IQANK1: variants seen among roughly 807,000 people sequenced by gnomAD.
IQANK1 encodes IQ motif and ankyrin repeat containing 1.
IQANK1 carries 30 observed loss-of-function variants against 22.6 expected under a neutral mutation model. That is an observed-to-expected ratio of 1.33 (90% confidence interval 0.99 to 1.80). The LOEUF is 1.80. Among genes scored for constraint, IQANK1 ranks in the 40% most tolerant of loss-of-function variants. The pLI is 0.00. For synonymous variants in IQANK1, 122 were observed against 99.6 expected, an observed-to-expected ratio of 1.23 and a Z score of -1.34; for missense variants, 275 against 235.2, an observed-to-expected ratio of 1.17 and a Z score of -1.11.
intron 7 of IQANK1, among the ~76,000 whole-genome samples, chr8:143,776,193 C>A (rs374368531): frequency 6.6e-6 from 1 of 151,578 alleles, no homozygotes; most frequent in Non-Finnish European, 1.5e-5. Flanking sequence ...TGGTGGCGGG[C>A]GCCTGTAGTC....
intron 3 of IQANK1, among the ~76,000 whole-genome samples, chr8:143,750,880 CTA>C (rs1819174581): frequency 6.6e-6 from 1 of 151,840 alleles, no homozygotes; most frequent in Admixed American, 6.6e-5. Flanking sequence ...TGTCATTTTG[CTA>C]TGTGTTTTAT....
intron 2 of IQANK1, among the ~76,000 whole-genome samples, chr8:143,736,596 G>C (rs1401094789): frequency 2.0e-5 from 3 of 152,152 alleles, no homozygotes; most frequent in Non-Finnish European, 1.5e-5. Flanking sequence ...AGGAGGGTTT[G>C]AGTCCAAGTT....
At position 143,789,539 on chromosome 8, in the gene IQANK1, G is replaced by A. The variant is rs1376135235; in HGVS notation, c.1086+11G>A. 7.3e-6 allele frequency: 9 copies of A among 1,232,084 alleles called. No individual in the cohort carries two copies. In the Admixed American group the frequency reaches 1.3e-4, roughly 17 times the overall value. The allele number at this position is 1,232,084 out of a possible 1,614,324, so 76.3% of individuals were successfully genotyped here. A position where few individuals can be genotyped will look rare whatever the true frequency, so the allele number is the denominator to read the frequency against. Reference sequence around the variant, plus strand: ...AAGCTCACGCTGCAGGTGGGGGCCCGTGGTGGACTTGATATGCCCCTGCGT... The same window carrying A: ...AAGCTCACGCTGCAGGTGGGGGCCCATGGTGGACTTGATATGCCCCTGCGT... On this transcript the variant is annotated intron_variant, in intron 10 of 13. Coordinates refer to ENST00000527139, the MANE Select transcript of IQANK1 (RefSeq NM_001381874.1).
At chr8:143,749,601 T>A (rs1414944878) in intron 3 of IQANK1, among the ~76,000 whole-genome samples, 5 of 136,704 alleles carry the variant, frequency 3.7e-5, no homozygotes, top group African/African-American at 1.3e-4. Flanking sequence ...ATTTATTTAT[T>A]TTTTTTTTTT....
At chr8:143,767,317 T>C (rs1563775439) in intron 3 of IQANK1, among the ~76,000 whole-genome samples, 2 of 152,356 alleles carry the variant, frequency 1.3e-5, no homozygotes, top group East Asian at 3.9e-4. Context: ...TTCTGTTTTG[T>C]CTTAGTGCTC....
chr8:143,785,535 C>T (rs376885666), intron 7 of IQANK1, among the ~76,000 whole-genome samples: 57 of 151,440 alleles, frequency 3.8e-4, no homozygotes, highest in Admixed American at 2.0e-3. Context: ...AGATTATAGG[C>T]GTGAGCTACC....
intron 7 of IQANK1, among the ~76,000 whole-genome samples, chr8:143,776,148 C>T (rs1483255079): frequency 3.3e-5 from 5 of 151,056 alleles, no homozygotes; most frequent in South Asian, 2.1e-4. Flanking sequence ...GGTGAAACCC[C>T]GTCTCCACTA....
At chr8:143,742,649 A>G (rs1327106041) in intron 3 of IQANK1, 1 of 455,862 alleles carries the variant, frequency 2.2e-6, no homozygotes, top group Non-Finnish European at 4.4e-6. Flanking sequence ...AATAGCCTCC[A>G]CCAGGAAGGT....
rs1462448422 is a variant in IQANK1, at chr8:143,739,896, G to C, written c.123G>C (p.Ala41=). The change falls in exon 3 of 14, where the codon GCG becomes GCC. Residue 41 remains alanine (A), a synonymous_variant. Transcript: ENST00000527139. ...AGAACCGCCCGCCGCAGAGGAAAGCGGGCTGGCAGGCGAGGGAGCCCGCGT... is the reference window on the plus strand; with the variant it reads ...AGAACCGCCCGCCGCAGAGGAAAGCCGGCTGGCAGGCGAGGGAGCCCGCGT... ...PGENRPPQRK[A]GWQAREPASA... 3 of 698,286 alleles carry C rather than the reference G, an allele frequency of 4.3e-6. No homozygotes were observed. Among genetic ancestry groups the C allele is most frequent in the Non-Finnish European group, 7.8e-6 (3 of 383,114 alleles). The allele number at this position is 698,286 out of a possible 1,614,324, so 43.3% of individuals were successfully genotyped here.
intron 7 of IQANK1, among the ~76,000 whole-genome samples, chr8:143,776,970 A>T (rs540288309): frequency 3.3e-5 from 5 of 152,058 alleles, no homozygotes; most frequent in Non-Finnish European, 5.9e-5. Flanking sequence ...TAAAAAAAAA[A>T]TTAATTTGAA....
At chr8:143,751,660 G>GTATATATATATATA (rs1440239363) in intron 3 of IQANK1, among the ~76,000 whole-genome samples, 32 of 44,036 alleles carry the variant, frequency 7.3e-4, no homozygotes, top group South Asian at 1.9e-3. Context: ...GTGTGTGTGT[G>GTATATATATATATA]TGTGTATATA....
Position 143,790,260 on chromosome 8 carries a change from G to A in IQANK1, c.1413G>A (p.Leu471=). ...LRPETMWLAL[L]GALRYGKPLV... ...CGGAGACGATGTGGCTGGCTCTGCT[G>A]GGGGCTCTGCGGTGAGGCAGGCAGG... The change falls in exon 13 of 14, where the codon CTG becomes CTA. Residue 471 remains leucine, a synonymous_variant. Transcript: ENST00000527139. The A allele has an allele frequency of 8.1e-7, 1 of 1,231,356 alleles. No individual in the cohort carries two copies. Among genetic ancestry groups the A allele is most frequent in the Non-Finnish European group, 1.0e-6 (1 of 987,324 alleles). 76.3% of individuals were successfully genotyped at this position (1,231,356 alleles called of 1,614,324 possible).
intron 2 of IQANK1, among the ~76,000 whole-genome samples, chr8:143,738,660 C>A (rs1018957069): frequency 6.6e-6 from 1 of 152,332 alleles, no homozygotes; most frequent in Admixed American, 6.5e-5. Context: ...CAGCAACGGG[C>A]GTGCCTGGTC....
chr8:143,770,783 C>A (rs1436189550), intron 3 of IQANK1, among the ~76,000 whole-genome samples: 4 of 152,260 alleles, frequency 2.6e-5, no homozygotes, highest in South Asian at 2.1e-4. Context: ...GCGCCACAAG[C>A]GCCCCATTGC....
intron 7 of IQANK1, among the ~76,000 whole-genome samples, chr8:143,777,543 A>C (rs78805257): frequency 2.0e-5 from 3 of 149,502 alleles, no homozygotes; most frequent in East Asian, 3.9e-4. Context: ...AAAAAAACAA[A>C]CCACTAAAAA....
At chr8:143,772,875 T>C (rs76092495) in intron 7 of IQANK1, among the ~76,000 whole-genome samples, 7,432 of 152,276 alleles carry the variant, frequency 0.049, 545 homozygotes, top group African/African-American at 0.16. Context: ...TTGGCAGAGC[T>C]CACGGCGCTG....
chr8:143,737,032 G>A (rs1475721214), intron 2 of IQANK1, among the ~76,000 whole-genome samples: 1 of 152,182 alleles, frequency 6.6e-6, no homozygotes, highest in Admixed American at 6.5e-5. Flanking sequence ...CACAGGAGCA[G>A]GTGGGATGAT....
intron 7 of IQANK1, among the ~76,000 whole-genome samples, chr8:143,776,012 C>T (rs1345262430): frequency 3.5e-5 from 5 of 144,856 alleles, no homozygotes; most frequent in Non-Finnish European, 7.4e-5. Flanking sequence ...GAGGGCCGGG[C>T]GCGGTGGCTC....
intron 3 of IQANK1, chr8:143,741,967 C>T (rs1457249766): frequency 2.2e-5 from 5 of 229,824 alleles, no homozygotes; most frequent in Non-Finnish European, 4.4e-5. Flanking sequence ...TTGGTGTAAC[C>T]ACCATTCCTG....
Sources: gnomAD v4.1 joint callset for allele counts (sites outside exome capture counted in the v4.1 genomes callset) on GRCh38, gnomAD v4.1.1 for gene constraint, MANE v1.5 for transcripts, NCBI Gene and HGNC (gene_info 2026-07-23, HGNC 2026-07-21) for gene names.